TUBGCP5: variants seen among roughly 807,000 people sequenced by gnomAD.
TUBGCP5 encodes gamma-tubulin complex component 5.
Under a neutral mutation model 134.7 loss-of-function variants are expected in TUBGCP5, and 98 were observed. The observed-to-expected ratio is 0.73, with a 90% CI of 0.62 to 0.86. The LOEUF (loss-of-function observed/expected upper bound fraction) is 0.86, where lower values mean the gene tolerates loss of function less well. Ranked by LOEUF, TUBGCP5 falls within the 40% of genes least tolerant of loss-of-function variation. The pLI is 0.00. For synonymous variants in TUBGCP5, 456 were observed against 431.4 expected (o/e 1.06, Z -0.71); for missense variants, 1,150 against 1,244.8 (o/e 0.92, Z 1.15).
rs147541609 is a variant in TUBGCP5, at chr15:23,025,047, G to A, written c.828-217C>T. ...CTCTCCAGCAGTTGGGACTACAGGT[G>A]CATGTCACCATGCCTGGCTAATTTT... On this transcript the variant is annotated intron_variant, in intron 8 of 22. Coordinates refer to ENST00000615383, the MANE Select transcript of TUBGCP5 (RefSeq NM_052903.6). Among the ~76,000 whole-genome samples the A allele has an allele frequency of 1.6e-3, 241 of 152,132 alleles. 1 individual carries two copies. The highest frequency in any genetic ancestry group is 2.9e-3 in the South Asian group (14 of 4,818).
chr15:23,008,234 TAGC>T (rs2064836121), intron 16 of TUBGCP5, among the ~76,000 whole-genome samples: 1 of 152,096 alleles, frequency 6.6e-6, no homozygotes, highest in Admixed American at 6.6e-5. Flanking sequence ...TTTTGTTGTT[TAGC>T]AGGAGAGTCA....
intron 11 of TUBGCP5, 101 bp from the exon 12 acceptor site, chr15:23,019,435 ATTTCTATG>A: frequency 1.3e-6 from 1 of 753,022 alleles, no homozygotes; most frequent in Non-Finnish European, 2.3e-6. Context: ...AAGTGATCGG[ATTTCTATG>A]TTTTTTGGGG....
intron 14 of TUBGCP5, among the ~76,000 whole-genome samples, 158 bp from the exon 15 acceptor site, chr15:23,010,291 C>A (rs1428222789): frequency 6.6e-6 from 1 of 152,164 alleles, no homozygotes; most frequent in Non-Finnish European, 1.5e-5. Context: ...TTTGAGTGAA[C>A]CAGTCTCTTG....
chr15:22,996,799 T>A (rs1343440861), downstream of TUBGCP5: 1 of 152,216 alleles, frequency 6.6e-6, no homozygotes, highest in East Asian at 1.9e-4. Context: ...AAAACCCAAC[T>A]CTTCCAAAAA....
At position 23,024,134 on chromosome 15, in the gene TUBGCP5, G is replaced by C; in HGVS notation, c.981C>G (p.Leu327=). 1 of 1,614,098 alleles carries C rather than the reference G, an allele frequency of 6.2e-7. No homozygotes were observed. The highest frequency in any genetic ancestry group is 8.5e-7 in the Non-Finnish European group (1 of 1,180,030). ...IAAYGQVVFR[L]QEFIDEVMGH... ...CCATGACTTCATCAATGAACTCCTG[G>C]AGTCGAAACACAACCTGGCCATATG... The change falls in exon 10 of 23, where the codon CTC becomes CTG. Residue 327 remains leucine (L), a synonymous_variant. Transcript: ENST00000615383.
chr15:23,037,818 TAGAGA>T (rs2066681715), intron 1 of TUBGCP5, among the ~76,000 whole-genome samples: 1 of 152,198 alleles, frequency 6.6e-6, no homozygotes, highest in Non-Finnish European at 1.5e-5. Context: ...ACTTTTCAGT[TAGAGA>T]AAAGTGAGCT....
intron 3 of TUBGCP5, among the ~76,000 whole-genome samples, chr15:23,034,372 C>T (rs938144752): frequency 2.0e-5 from 3 of 152,000 alleles, no homozygotes; most frequent in South Asian, 2.1e-4. Flanking sequence ...ATTATCAGCC[C>T]GGGAATTGAA....
In TUBGCP5 at chr15:23,032,900, C is replaced by T. The variant is rs117823850; in HGVS notation, c.310-76G>A. On this transcript the variant is annotated intron_variant, in intron 3 of 22. Coordinates refer to ENST00000615383, the MANE Select transcript of TUBGCP5 (RefSeq NM_052903.6). ...TACACCAGATTGAGTAAAGATAACT[C>T]CATGACAGTTATGTCCCCAATTTTT... 5.7e-3 allele frequency: 6,191 copies of T among 1,086,590 alleles called. 25 individuals are homozygous for T. The highest frequency in any genetic ancestry group is 7.0e-3 in the Non-Finnish European group (5,436 of 781,530). The allele number at this position is 1,086,590 out of a possible 1,614,324, so 67.3% of individuals were successfully genotyped here.
chr15:23,034,556 G>A (rs975466947), intron 3 of TUBGCP5, among the ~76,000 whole-genome samples: 3 of 152,146 alleles, frequency 2.0e-5, no homozygotes, highest in African/African-American at 7.2e-5. Context: ...AGACTGGCAT[G>A]AGCTTGAAAA....
At chr15:23,007,948 C>G (rs902223938) in intron 16 of TUBGCP5, among the ~76,000 whole-genome samples, 4 of 152,090 alleles carry the variant, frequency 2.6e-5, no homozygotes, top group Non-Finnish European at 5.9e-5. Context: ...TCTGAGAGGT[C>G]AGGGGCATTC....
chr15:23,014,084 G>A lies in TUBGCP5; in HGVS notation c.1757-2753C>T, dbSNP rs550072007. 5.9e-5 allele frequency among the ~76,000 whole-genome samples: 9 copies of A among 152,328 alleles called. No homozygotes were observed. In the South Asian group the frequency reaches 1.4e-3, roughly 25 times the overall value. On this transcript the variant is annotated intron_variant, in intron 13 of 22. Coordinates refer to ENST00000615383, the MANE Select transcript of TUBGCP5 (RefSeq NM_052903.6). Reference sequence around the variant, plus strand: ...AACAGACCAAACCCATCTTTGAGCTGGCCAAATTGCTGTGCCATCTCTAGA... The same window carrying A: ...AACAGACCAAACCCATCTTTGAGCTAGCCAAATTGCTGTGCCATCTCTAGA...
chr15:23,000,725 C>CTGA, intron 21 of TUBGCP5, 56 bp from the exon 22 acceptor site: 1 of 1,280,898 alleles, frequency 7.8e-7, no homozygotes, highest in Non-Finnish European at 1.1e-6. Flanking sequence ...TATAGGTAGG[C>CTGA]TTCAAGATAT....
chr15:22,986,386 G>C (rs1471774909), intron 23 of TUBGCP5, among the ~76,000 whole-genome samples: 1 of 152,030 alleles, frequency 6.6e-6, no homozygotes, highest in Admixed American at 6.6e-5. Context: ...TACATATTGT[G>C]GGATTTCATC....
chr15:22,997,141 AG>A (rs563369842), downstream of TUBGCP5, among the ~76,000 whole-genome samples: 210 of 152,058 alleles, frequency 1.4e-3, 1 homozygote, highest in African/African-American at 4.4e-3. Context: ...CCATTTTCCT[AG>A]CAATGTTTTT....
intron 13 of TUBGCP5, among the ~76,000 whole-genome samples, chr15:23,014,449 G>A (rs1423934958): frequency 6.6e-6 from 1 of 152,196 alleles, no homozygotes; most frequent in African/African-American, 2.4e-5. Context: ...GTCTGCCCTT[G>A]GTGGGCATGT....
chr15:23,010,248 A>T, intron 14 of TUBGCP5, 115 bp from the exon 15 acceptor site: 1 of 1,158,402 alleles, frequency 8.6e-7, no homozygotes, highest in Non-Finnish European at 1.2e-6. Context: ...CAACTATTAC[A>T]GAAAGAGAAA....
chr15:22,989,605 T>C (rs1019737607), intron 23 of TUBGCP5, among the ~76,000 whole-genome samples: 2 of 152,220 alleles, frequency 1.3e-5, no homozygotes, highest in Non-Finnish European at 2.9e-5. Context: ...CTTGAACTCC[T>C]GGCCTCCAGG....
intron 22 of TUBGCP5, among the ~76,000 whole-genome samples, chr15:23,000,092 G>T (rs1488551649): frequency 6.6e-6 from 1 of 152,002 alleles, no homozygotes; most frequent in Non-Finnish European, 1.5e-5. Flanking sequence ...TGTATTTTTA[G>T]CAGAGACAGG....
intron 6 of TUBGCP5, among the ~76,000 whole-genome samples, 168 bp downstream of exon 6, chr15:23,030,717 A>G (rs557737994): frequency 6.6e-6 from 1 of 152,210 alleles, no homozygotes; most frequent in Admixed American, 6.5e-5. Context: ...CTATAGTACT[A>G]CTACTTAAGC....
Sources: allele counts gnomAD v4.1 joint callset (sites outside exome capture counted in the v4.1 genomes callset), GRCh38; gene constraint gnomAD v4.1.1; transcripts MANE v1.5; gene names NCBI Gene and HGNC (gene_info 2026-07-23, HGNC 2026-07-21).